PTK2: variants seen among roughly 807,000 people sequenced by gnomAD.
PTK2 encodes protein tyrosine kinase 2, also known as focal adhesion kinase 1.
In PTK2, 45 loss-of-function variants were observed where a neutral mutation model predicts 150.1. The ratio of observed to expected loss-of-function variants is 0.30; its 90% CI spans 0.24 to 0.38. The LOEUF is 0.38. Among genes scored for constraint, PTK2 ranks in the 10% least tolerant of loss-of-function variants. The probability of loss-of-function intolerance (pLI) is 1.00; values close to 1 mark genes in which losing one functional copy is unlikely to be tolerated. For missense variants in PTK2, 919 were observed against 1,307.3 expected, an observed-to-expected ratio of 0.70 and a Z score of 4.58; for synonymous variants, 432 against 449.2, an observed-to-expected ratio of 0.96 and a Z score of 0.48.
intron 21 of PTK2, 119 bp downstream of exon 24, chr8:140,738,899 G>C (rs2100054078): frequency 5.7e-6 from 3 of 521,942 alleles, no homozygotes; most frequent in East Asian, 3.4e-5. Context: ...AGTCTGATGA[G>C]GAGATGATCA....
chr8:140,665,777 G>C (rs545303359), intron 30 of PTK2, among the ~76,000 whole-genome samples: 2 of 152,276 alleles, frequency 1.3e-5, no homozygotes, highest in Non-Finnish European at 1.5e-5. Flanking sequence ...AAAAAATAGT[G>C]TCTATAAAAT....
chr8:140,973,734 C>CA (rs2100188242), intron 1 of PTK2, among the ~76,000 whole-genome samples: 1 of 152,128 alleles, frequency 6.6e-6, no homozygotes, highest in African/African-American at 2.4e-5. Context: ...AAACAGAAAA[C>CA]AAAACTTGCC....
At chr8:140,824,052 T>C (rs559973567) in intron 8 of PTK2, among the ~76,000 whole-genome samples, 38 of 152,216 alleles carry the variant, frequency 2.5e-4, no homozygotes, top group Admixed American at 9.8e-4. Context: ...CAACAGGGAT[T>C]GAAGCCATCA....
chr8:140,715,746 A>G (rs2100039351), intron 23 of PTK2, among the ~76,000 whole-genome samples: 5 of 151,930 alleles, frequency 3.3e-5, no homozygotes, highest in Admixed American at 2.0e-4. Context: ...CTGCTTATAG[A>G]AAAGAATCTC....
intron 1 of PTK2, among the ~76,000 whole-genome samples, chr8:140,941,518 T>C (rs1460999825): frequency 6.6e-6 from 1 of 152,200 alleles, no homozygotes; most frequent in Non-Finnish European, 1.5e-5. Flanking sequence ...ATCCTGAAGA[T>C]CGTAAAATGA....
chr8:140,853,915 G>C (rs1188199170), intron 5 of PTK2, among the ~76,000 whole-genome samples: 1 of 152,064 alleles, frequency 6.6e-6, no homozygotes, highest in Admixed American at 6.6e-5. Context: ...GTATCTTAAC[G>C]ACAGCTTTAA....
intron 29 of PTK2, 160 bp from the exon 33 acceptor site, chr8:140,669,895 C>G: frequency 3.8e-6 from 3 of 789,292 alleles, no homozygotes; most frequent in South Asian, 3.5e-5. Context: ...AGCTCTCACT[C>G]ACTGTTGCCA....
intron 1 of PTK2, among the ~76,000 whole-genome samples, chr8:140,963,996 T>C (rs1028708820): frequency 6.6e-6 from 1 of 152,202 alleles, no homozygotes; most frequent in Non-Finnish European, 1.5e-5. Context: ...CTTCCCTTAA[T>C]GTGCCATGCT....
chr8:140,701,787 C>A (rs755927243), intron 25 of PTK2, among the ~76,000 whole-genome samples: 5 of 151,948 alleles, frequency 3.3e-5, no homozygotes, highest in African/African-American at 1.2e-4. Context: ...GTTCATTAAA[C>A]CTGAAAGCAT....
At chr8:140,869,265 T>A (rs1393431363) in intron 4 of PTK2, among the ~76,000 whole-genome samples, 2 of 152,152 alleles carry the variant, frequency 1.3e-5, no homozygotes, top group Non-Finnish European at 2.9e-5. Flanking sequence ...GTCAACTAAC[T>A]GACTGGCAGC....
chr8:140,676,247 G>A (rs114577107), intron 27 of PTK2, among the ~76,000 whole-genome samples: 137 of 152,156 alleles, frequency 9.0e-4, no homozygotes, highest in African/African-American at 3.1e-3. Flanking sequence ...GTGGTGGTAC[G>A]TGGGTGTAAT....
At chr8:140,678,785 G>A (rs768150482) in intron 27 of PTK2, among the ~76,000 whole-genome samples, 1 of 152,094 alleles carries the variant, frequency 6.6e-6, no homozygotes, top group Non-Finnish European at 1.5e-5. Flanking sequence ...AATGTGTGAG[G>A]AACAGCAAGG....
At chr8:140,886,378 T>C (rs1248327246) in intron 3 of PTK2, among the ~76,000 whole-genome samples, 1 of 152,042 alleles carries the variant, frequency 6.6e-6, no homozygotes, top group Admixed American at 6.6e-5. Flanking sequence ...GAGAACAAGA[T>C]GGGGGGATAG....
chr8:140,879,552 T>C, exon 4 of PTK2: 1 of 1,613,720 alleles, frequency 6.2e-7, no homozygotes, highest in Non-Finnish European at 8.5e-7. Flanking sequence ...CCAGTGAACC[T>C]CCTCTGACCG....
intron 1 of PTK2, among the ~76,000 whole-genome samples, chr8:140,942,912 C>A (rs553998547): frequency 6.6e-6 from 1 of 152,136 alleles, no homozygotes; most frequent in South Asian, 2.1e-4. Context: ...TGGTGACAAG[C>A]GAGTTCATGT....
rs561011902 is a variant in PTK2 at position 140,771,218 on chromosome 8, T to A, written c.1178-6928A>T. On this transcript the variant is annotated intron_variant, in intron 14 of 31. Coordinates refer to ENST00000522684, the Ensembl canonical transcript of PTK2. The stretch of plus-strand genomic sequence containing the variant: ...TGTGAAAGAGTTTTACGAACAACTT[T>A]CCCCAAATCATTAGCAAAGACACAC... 3 of 153,200 alleles carry A rather than the reference T, an allele frequency of 2.0e-5. No individual in the cohort carries two copies. In the East Asian group the frequency reaches 5.8e-4, roughly 29 times the overall value. 9.5% of individuals were successfully genotyped at this position (153,200 alleles called of 1,614,324 possible). A position where few individuals can be genotyped will look rare whatever the true frequency, so the allele number is the denominator to read the frequency against.
chr8:140,702,901 G>A (rs2100031552), intron 24 of PTK2, among the ~76,000 whole-genome samples, 194 bp from the exon 28 acceptor site: 1 of 152,174 alleles, frequency 6.6e-6, no homozygotes, highest in African/African-American at 2.4e-5. Context: ...TTGCAGATGT[G>A]GTTATAAGTC....
At chr8:140,792,676 G>A (rs2100089186) in intron 13 of PTK2, among the ~76,000 whole-genome samples, 1 of 152,212 alleles carries the variant, frequency 6.6e-6, no homozygotes, top group South Asian at 2.1e-4. Flanking sequence ...TAAGGGACTG[G>A]CTATGGAGAA....
intron 1 of PTK2, among the ~76,000 whole-genome samples, chr8:140,937,329 G>C (rs1317660494): frequency 1.3e-5 from 2 of 152,182 alleles, no homozygotes; most frequent in Middle Eastern, 3.4e-3. Flanking sequence ...GTGGTTTTAA[G>C]TATTTCCACA....
Sources: gnomAD v4.1 joint callset for allele counts (sites outside exome capture counted in the v4.1 genomes callset) on GRCh38, gnomAD v4.1.1 for gene constraint, MANE v1.5 for transcripts, NCBI Gene and HGNC (gene_info 2026-07-23, HGNC 2026-07-21) for gene names.